TENM1: variants seen among roughly 807,000 people sequenced by gnomAD.
The protein encoded by TENM1 is teneurin-1.
TENM1 carries 35 observed loss-of-function variants against 174.8 expected under a neutral mutation model. The ratio of observed to expected loss-of-function variants is 0.20; its 90% CI spans 0.15 to 0.27. The LOEUF (loss-of-function observed/expected upper bound fraction) is 0.27, where lower values mean the gene tolerates loss of function less well. TENM1 is among the 10% of genes least tolerant of loss of function. The pLI is 1.00. For synonymous variants in TENM1, 781 were observed against 798.7 expected, an observed-to-expected ratio of 0.98 and a Z score of 0.37; for missense variants, 1,633 against 2,130.1, an observed-to-expected ratio of 0.77 and a Z score of 4.59.
intron 4 of TENM1, among the ~76,000 whole-genome samples, chrX:124,735,231 A>G (rs1387252127): frequency 2.7e-5 from 3 of 112,402 alleles, no homozygotes; most frequent in African/African-American, 9.7e-5. Flanking sequence ...TCTACAAGGA[A>G]CTTAAACAAA....
At chrX:125,104,281 C>T in the TENM1 span, among the ~76,000 whole-genome samples, 1 of 111,861 alleles carries the variant, frequency 8.9e-6, no homozygotes, top group Non-Finnish European at 1.9e-5. Flanking sequence ...TGGGATAACA[C>T]TCAGAAAAAT....
chrX:125,087,148 A>T, the TENM1 span, among the ~76,000 whole-genome samples: 1 of 110,998 alleles, frequency 9.0e-6, no homozygotes, highest in African/African-American at 3.3e-5. Flanking sequence ...TAGGCAGGAT[A>T]TGTAAACTGG....
chrX:124,842,394 G>A (rs1397654258), intron 3 of TENM1, among the ~76,000 whole-genome samples: 1 of 111,601 alleles, frequency 9.0e-6, no homozygotes, highest in Non-Finnish European at 1.9e-5. Flanking sequence ...CTCACAAGCA[G>A]CAGGTTCCTT....
intron 15 of TENM1, among the ~76,000 whole-genome samples, chrX:124,538,050 A>G (rs1444105782): frequency 8.9e-6 from 1 of 112,101 alleles, no homozygotes; most frequent in African/African-American, 3.2e-5. Flanking sequence ...CAAAGAAGTG[A>G]AAGTCTCACA....
chrX:124,933,180 T>G (rs1045048868), intron 1 of TENM1, among the ~76,000 whole-genome samples: 1 of 112,273 alleles, frequency 8.9e-6, no homozygotes, highest in Non-Finnish European at 1.9e-5. Context: ...TACTTCCAGA[T>G]TTTTATGCTG....
chrX:124,653,821 A>G, intron 6 of TENM1, 38 bp from the exon 10 acceptor site: 1 of 1,072,828 alleles, frequency 9.3e-7, no homozygotes, highest in Non-Finnish European at 1.3e-6. Context: ...CACCATGTTA[A>G]TCTTAATTTA....
chrX:124,954,785 T>C (rs949809098), intron 1 of TENM1, among the ~76,000 whole-genome samples: 9 of 111,741 alleles, frequency 8.1e-5, no homozygotes, highest in African/African-American at 2.9e-4. Flanking sequence ...ATATTTATTG[T>C]CATTAATGTT....
chrX:124,965,857 A>G (rs926231369), upstream of TENM1, among the ~76,000 whole-genome samples: 8 of 111,579 alleles, frequency 7.2e-5, no homozygotes, highest in South Asian at 3.8e-4. Context: ...TGCCTACTCA[A>G]TATCTGTACT....
the TENM1 span, among the ~76,000 whole-genome samples, chrX:124,972,931 T>A: frequency 4.5e-5 from 5 of 112,245 alleles, no homozygotes; most frequent in Non-Finnish European, 7.5e-5. Flanking sequence ...TGAGACGGGC[T>A]AATTTATAAA....
At chrX:124,577,781 A>G (rs867178547) in intron 11 of TENM1, among the ~76,000 whole-genome samples, 7 of 112,026 alleles carry the variant, frequency 6.2e-5, no homozygotes, top group Non-Finnish European at 1.1e-4. Flanking sequence ...ACACGAAGTT[A>G]AAGTCCTTGG....
chrX:124,949,945 A>G (rs1197274969), intron 1 of TENM1, among the ~76,000 whole-genome samples: 1 of 110,975 alleles, frequency 9.0e-6, no homozygotes, highest in East Asian at 2.8e-4. Flanking sequence ...TTAGTGCTGT[A>G]GTAAAGAATT....
Position 124,590,132 on chromosome X carries a change from A to AT in TENM1, c.2078-24573dup, listed in dbSNP as rs993497948. Among the ~76,000 whole-genome samples the AT allele has an allele frequency of 5.4e-5, 6 of 111,584 alleles. No homozygotes were observed. In the South Asian group the frequency reaches 1.5e-3, roughly 27 times the overall value. ...GTCTCTGCTTTCATTTATTTCAAAA[A>AT]TTTTTTTTAAATTTCTGCTTTAATT... is the stretch of plus-strand genomic sequence containing the variant. On this transcript the variant is annotated intron_variant, in intron 11 of 31. Transcript: ENST00000422452.
At chrX:124,899,812 T>C (rs1361725013) in intron 1 of TENM1, among the ~76,000 whole-genome samples, 1 of 111,629 alleles carries the variant, frequency 9.0e-6, no homozygotes, top group African/African-American at 3.3e-5. Flanking sequence ...ATGCTCAACA[T>C]CACTGTTACC....
chrX:124,776,180 AAAG>A (rs1257066632), intron 3 of TENM1, among the ~76,000 whole-genome samples: 1 of 111,857 alleles, frequency 8.9e-6, no homozygotes, highest in African/African-American at 3.3e-5. Flanking sequence ...AACTTCCTAC[AAAG>A]AAGGAGACTT....
chrX:124,910,163 C>T (rs773763130), intron 1 of TENM1, among the ~76,000 whole-genome samples: 4 of 112,327 alleles, frequency 3.6e-5, no homozygotes, highest in Non-Finnish European at 7.5e-5. Flanking sequence ...TCATTTAGTG[C>T]TAACACTGCA....
At chrX:125,112,134 T>TTTTGTGTGTG in the TENM1 span, among the ~76,000 whole-genome samples, 1 of 92,719 alleles carries the variant, frequency 1.1e-5, no homozygotes, top group African/African-American at 3.9e-5. Flanking sequence ...TTTAATGAAA[T>TTTTGTGTGTG]TGTGTGTGTG....
chrX:125,027,828 G>T, the TENM1 span, among the ~76,000 whole-genome samples: 2,380 of 110,242 alleles, frequency 0.022, 21 homozygotes, highest in East Asian at 0.063. Context: ...TATGGACAGG[G>T]AATTCTCAGA....
intron 1 of TENM1, among the ~76,000 whole-genome samples, chrX:124,957,945 C>T (rs1384346901): frequency 3.6e-5 from 4 of 111,277 alleles, no homozygotes; most frequent in Admixed American, 9.6e-5. Flanking sequence ...AATTATTACC[C>T]TTGGTATATA....
the TENM1 span, among the ~76,000 whole-genome samples, chrX:125,149,034 A>C: frequency 8.9e-6 from 1 of 111,901 alleles, no homozygotes; most frequent in Non-Finnish European, 1.9e-5. Context: ...CTTTGCTGTC[A>C]GGATAAAATC....
Sources: gnomAD v4.1 joint callset for allele counts (sites outside exome capture counted in the v4.1 genomes callset) on GRCh38, gnomAD v4.1.1 for gene constraint, MANE v1.5 for transcripts, NCBI Gene and HGNC (gene_info 2026-07-23, HGNC 2026-07-21) for gene names.